Variants in SPIRE1 observed in about 807,000 individuals in gnomAD.
SPIRE1 encodes the protein spire type actin nucleation factor 1.
SPIRE1 carries 40 observed loss-of-function variants against 94.1 expected under a neutral mutation model. The observed-to-expected ratio is 0.43, with a 90% CI of 0.33 to 0.55. The LOEUF (loss-of-function observed/expected upper bound fraction) is 0.55. SPIRE1 is among the 20% of genes least tolerant of loss of function. The pLI is 0.06. For synonymous variants in SPIRE1, 376 were observed against 371.7 expected (o/e 1.01, Z -0.13); for missense variants, 838 against 975.2 (o/e 0.86, Z 1.87).
intron 2 of SPIRE1, among the ~76,000 whole-genome samples, chr18:12,606,271 G>C (rs1224188101): frequency 6.6e-6 from 1 of 151,892 alleles, no homozygotes. Flanking sequence ...TGTCACTTTT[G>C]TTTATTGACA....
intron 2 of SPIRE1, among the ~76,000 whole-genome samples, chr18:12,608,427 T>C (rs1011576366): frequency 3.3e-5 from 5 of 152,228 alleles, no homozygotes; most frequent in Non-Finnish European, 7.3e-5. Context: ...GTAAAGTCTT[T>C]TGTTGCACAA....
At position 12,448,833 on chromosome 18, in the gene SPIRE1, C is replaced by T. The variant is rs1318883450; in HGVS notation, c.*805G>A. On this transcript the variant is annotated 3_prime_UTR_variant, in exon 17 of 17. Coordinates refer to ENST00000409402, the MANE Select transcript of SPIRE1 (RefSeq NM_001128626.2). This position sits in a 1 kb window ranked among gnomAD's most constrained non-coding sequence, Gnocchi z 4.4. Reference sequence around the variant, plus strand: ...TCATAGGTAACCAAAATACGCTCAACGTCTTGACAAACTTTTAGCCTTCCT... The same window carrying T: ...TCATAGGTAACCAAAATACGCTCAATGTCTTGACAAACTTTTAGCCTTCCT... The T allele has an allele frequency of 6.6e-6, 1 of 152,430 alleles. No individual in the cohort carries two copies. Among genetic ancestry groups the T allele is most frequent in the Admixed American group, 6.5e-5 (1 of 15,274 alleles). The allele number at this position is 152,430 out of a possible 1,614,324, so 9.4% of individuals were successfully genotyped here.
intron 11 of SPIRE1, among the ~76,000 whole-genome samples, chr18:12,464,031 G>A (rs1348587240): frequency 6.6e-6 from 1 of 152,146 alleles, no homozygotes; most frequent in African/African-American, 2.4e-5. Context: ...AATAAATTAT[G>A]GTGCCAGAGT....
At chr18:12,551,183 G>A (rs2035336649) in intron 2 of SPIRE1, among the ~76,000 whole-genome samples, 1 of 152,006 alleles carries the variant, frequency 6.6e-6, no homozygotes, top group African/African-American at 2.4e-5. Context: ...AAAATGTAAG[G>A]CCCATAATGC....
chr18:12,542,051 A>G (rs1463121805), intron 3 of SPIRE1, among the ~76,000 whole-genome samples: 1 of 151,420 alleles, frequency 6.6e-6, no homozygotes, highest in East Asian at 1.9e-4. Context: ...ATCTCGGCTC[A>G]CTGCAACCTC....
intron 12 of SPIRE1, among the ~76,000 whole-genome samples, chr18:12,457,027 C>T (rs1424953508): frequency 2.0e-5 from 3 of 152,178 alleles, no homozygotes; most frequent in East Asian, 1.9e-4. Context: ...GATGGGGGTT[C>T]GCCATGTTGG....
At chr18:12,539,999 T>G (rs1598449757) in intron 3 of SPIRE1, among the ~76,000 whole-genome samples, 1 of 144,194 alleles carries the variant, frequency 6.9e-6, no homozygotes. Flanking sequence ...AGGCCAGTGG[T>G]GGGGAGGGGC....
intron 2 of SPIRE1, among the ~76,000 whole-genome samples, chr18:12,578,748 G>A (rs1455923389): frequency 1.3e-5 from 2 of 152,180 alleles, no homozygotes; most frequent in South Asian, 2.1e-4. Flanking sequence ...CTAGTCTATG[G>A]TATTCCATTA....
intron 2 of SPIRE1, chr18:12,588,246 G>T (rs568226507): frequency 1.1e-4 from 17 of 152,086 alleles, no homozygotes; most frequent in Non-Finnish European, 1.9e-4. Flanking sequence ...TTTCTAAATT[G>T]CCTAATTTTA....
chr18:12,583,365 A>G (rs1478574785), intron 2 of SPIRE1, among the ~76,000 whole-genome samples: 2 of 152,194 alleles, frequency 1.3e-5, no homozygotes, highest in Non-Finnish European at 2.9e-5. Flanking sequence ...GCACTTTGGG[A>G]GGCCAAGGCA....
chr18:12,591,397 C>T (rs1395191948), intron 2 of SPIRE1, among the ~76,000 whole-genome samples: 1 of 152,172 alleles, frequency 6.6e-6, no homozygotes, highest in Non-Finnish European at 1.5e-5. Flanking sequence ...CAGGGCCTTG[C>T]TGACCACTGG....
chr18:12,621,913 A>G (rs1405572068), intron 2 of SPIRE1, among the ~76,000 whole-genome samples: 1 of 152,198 alleles, frequency 6.6e-6, no homozygotes, highest in East Asian at 1.9e-4. Context: ...AAACCGAGGA[A>G]ATTATCTAAT....
At position 12,454,364 on chromosome 18, in the gene SPIRE1, G is replaced by A. The variant is rs551476418; in HGVS notation, c.1758C>T (p.Thr586=). Residue 586 remains threonine (T), a synonymous_variant, in exon 13 of 17, where the codon ACC becomes ACT. Transcript: ENST00000409402. Reference sequence around the variant, plus strand: ...GCACTACCTTTCCTTTTTTCAAGGCGGTGTAGATGTCTTTATACTGTTGGT... The same window carrying A: ...GCACTACCTTTCCTTTTTTCAAGGCAGTGTAGATGTCTTTATACTGTTGGT... ...EKYQQYKDIY[T]ALKKGKLCFC... The A allele has an allele frequency of 1.6e-5, 26 of 1,613,860 alleles. No individual in the cohort carries two copies. The highest frequency in any genetic ancestry group is 1.7e-4 in the Middle Eastern group (1 of 6,058).
intron 9 of SPIRE1, among the ~76,000 whole-genome samples, chr18:12,485,311 T>C (rs963340879): frequency 3.3e-5 from 5 of 152,102 alleles, no homozygotes; most frequent in Non-Finnish European, 5.9e-5. Flanking sequence ...TTCACCGTGT[T>C]AGCCAGGATG....
intron 2 of SPIRE1, among the ~76,000 whole-genome samples, chr18:12,616,168 A>G (rs1034809861): frequency 6.6e-6 from 1 of 152,230 alleles, no homozygotes; most frequent in Non-Finnish European, 1.5e-5. Context: ...TTCCCAAGGT[A>G]AAGTCACATC....
chr18:12,488,111 T>C (rs2033102370), intron 8 of SPIRE1, among the ~76,000 whole-genome samples: 1 of 152,234 alleles, frequency 6.6e-6, no homozygotes, highest in African/African-American at 2.4e-5. Context: ...CTACCAGGAC[T>C]TCCCATATTC....
intron 2 of SPIRE1, among the ~76,000 whole-genome samples, chr18:12,547,661 A>G (rs2035213101): frequency 6.6e-6 from 1 of 152,150 alleles, no homozygotes; most frequent in Non-Finnish European, 1.5e-5. Flanking sequence ...GAACACTGGC[A>G]GCCAGCGTGG....
Position 12,517,159 on chromosome 18 carries a change from G to A in SPIRE1, c.730-4628C>T, listed in dbSNP as rs115158927. Among the ~76,000 whole-genome samples, 502 of 152,286 alleles carry A rather than the reference G, an allele frequency of 3.3e-3. 2 individuals carry two copies. Among genetic ancestry groups the A allele is most frequent in the African/African-American group, 0.011 (477 of 41,554 alleles). ...AGAAATATACCAGAAGAATACAGAT[G>A]AAACACAGCATTCAGTTCAGACCAT... On this transcript the variant is annotated intron_variant, in intron 4 of 16. Coordinates refer to ENST00000409402, the MANE Select transcript of SPIRE1 (RefSeq NM_001128626.2).
chr18:12,499,570 C>G (rs1195712303), intron 6 of SPIRE1, among the ~76,000 whole-genome samples: 2 of 149,898 alleles, frequency 1.3e-5, no homozygotes, highest in Non-Finnish European at 3.0e-5. Context: ...TACCTTGCAC[C>G]ATATATATAA....
Sources: allele counts gnomAD v4.1 joint callset (sites outside exome capture counted in the v4.1 genomes callset), GRCh38; gene constraint gnomAD v4.1.1; non-coding constraint Gnocchi (gnomAD v3.1); transcripts MANE v1.5; gene names NCBI Gene and HGNC (gene_info 2026-07-23, HGNC 2026-07-21).